Variants in ACOX2 observed in about 807,000 individuals in gnomAD.
The protein encoded by ACOX2 is peroxisomal acyl-coenzyme A oxidase 2.
In ACOX2, 59 loss-of-function variants were observed where a neutral mutation model predicts 77.5. The observed-to-expected ratio is 0.76, with a 90% CI of 0.62 to 0.95. ACOX2 has a LOEUF of 0.95. Among genes scored for constraint, ACOX2 ranks in the 40% least tolerant of loss-of-function variants. ACOX2 has a pLI of 0.00. For synonymous variants in ACOX2, 317 were observed against 340.1 expected (o/e 0.93, Z 0.75); for missense variants, 837 against 880.4 (o/e 0.95, Z 0.62).
In ACOX2 at chr3:58,523,841, G is replaced by A. The variant is rs2063376066; in HGVS notation, c.1526+585C>T. ...CTTTTCCATGGTGGTATGTGTGTTT[G>A]GTCAGGACCTCTCTATTCCCAGCCC... is the stretch of plus-strand genomic sequence containing the variant. On this transcript the variant is annotated intron_variant, in intron 11 of 14. Coordinates refer to ENST00000302819, the MANE Select transcript of ACOX2 (RefSeq NM_003500.4). This position sits in a 1 kb window ranked among gnomAD's most constrained non-coding sequence, Gnocchi z 5.3. 6.6e-6 allele frequency among the ~76,000 whole-genome samples: 1 copy of A among 152,212 alleles called. No individual in the cohort carries two copies. The highest frequency in any genetic ancestry group is 2.1e-4 in the South Asian group (1 of 4,822).
At chr3:58,508,144 A>T (rs2063247863) in intron 14 of ACOX2, among the ~76,000 whole-genome samples, 1 of 152,186 alleles carries the variant, frequency 6.6e-6, no homozygotes, top group Non-Finnish European at 1.5e-5. Flanking sequence ...CTGTTAACAT[A>T]TTCATTGACA....
Position 58,531,443 on chromosome 3 carries a change from CA to C in ACOX2, c.704-78del, listed in dbSNP as rs2063438866. 5 of 1,361,952 alleles carry C rather than the reference CA, an allele frequency of 3.7e-6. No homozygotes were observed. In the Admixed American group the frequency reaches 9.3e-5, roughly 25 times the overall value. The allele number at this position is 1,361,952 out of a possible 1,614,324, so 84.4% of individuals were successfully genotyped here. On this transcript the variant is annotated intron_variant, in intron 6 of 14. Coordinates refer to ENST00000302819, the MANE Select transcript of ACOX2 (RefSeq NM_003500.4). The surrounding 1 kb of genome is among the most constrained non-coding windows in gnomAD (Gnocchi z 5.8). ...TGTGGCAGGTATCATACACACATTC[CA>C]GGTCACAGCAGCCTGTGACACTGGG... is the stretch of plus-strand genomic sequence containing the variant.
rs541491947 is a variant in ACOX2 at position 58,505,915 on chromosome 3, C to T, written c.1984-629G>A. On this transcript the variant is annotated intron_variant, in intron 14 of 14. Transcript: ENST00000302819. The surrounding 1 kb of genome is among the most constrained non-coding windows in gnomAD (Gnocchi z 4.4). ...AAGCGATTCTTGTGCCTCAGCCTCC[C>T]GAGTACCTTGGATTACAGGGGTGCA... Among the ~76,000 whole-genome samples, 92 of 152,184 alleles carry T rather than the reference C, an allele frequency of 6.0e-4. No homozygotes were observed. Among genetic ancestry groups the T allele is most frequent in the African/African-American group, 2.0e-3 (81 of 41,514 alleles).
At position 58,531,723 on chromosome 3, in the gene ACOX2, G is replaced by A. The variant is rs150832314; in HGVS notation, c.673C>T (p.Arg225Trp). Residue 225 changes from arginine to tryptophan, a missense_variant, in exon 6 of 15, where the codon CGG (arginine) becomes TGG (tryptophan). By Grantham distance (101) the Arg-to-Trp change is moderately radical. Coordinates refer to ENST00000302819, the MANE Select transcript of ACOX2 (RefSeq NM_003500.4). This position sits in a 1 kb window ranked among gnomAD's most constrained non-coding sequence, Gnocchi z 5.8. ...RGMHAFIVPI[R>W]SLQDHTPLPG... Reference sequence around the variant, plus strand: ...AGTGGGGTGTGGTCCTGAAGACTCCGGATTGGCACAATAAAAGCGTGCATG... The same window carrying A: ...AGTGGGGTGTGGTCCTGAAGACTCCAGATTGGCACAATAAAAGCGTGCATG... 1.2e-4 allele frequency: 197 copies of A among 1,614,176 alleles called. 2 individuals are homozygous for A. In the Admixed American group the frequency reaches 1.6e-3, roughly 13 times the overall value.
chr3:58,530,398 T>G, intron 8 of ACOX2, 68 bp downstream of exon 8: 1 of 1,564,974 alleles, frequency 6.4e-7, no homozygotes, highest in Non-Finnish European at 8.7e-7. Flanking sequence ...AAGGGTGGTG[T>G]CAGGGGGAGG....
Position 58,523,612 on chromosome 3 carries a change from A to G in ACOX2, c.1526+814T>C, listed in dbSNP as rs1397069517. ...GTGTTTCCTTTTTATTTTTTTATTA[A>G]AATTTTTTGTATTTTTGGTAGAGGT... On this transcript the variant is annotated intron_variant, in intron 11 of 14. Coordinates refer to ENST00000302819, the MANE Select transcript of ACOX2 (RefSeq NM_003500.4). The surrounding 1 kb of genome is among the most constrained non-coding windows in gnomAD (Gnocchi z 5.3). 6.6e-6 allele frequency among the ~76,000 whole-genome samples: 1 copy of G among 151,176 alleles called. No homozygotes were observed. Among genetic ancestry groups the G allele is most frequent in the East Asian group, 1.9e-4 (1 of 5,188 alleles).
chr3:58,526,822 A>C lies in ACOX2; in HGVS notation c.1156-166T>G. Reference sequence around the variant, plus strand: ...GAATGAGAAGGCGGGTACTCAGCTTATGTGACTCACCCAGAGGCACACAAT... The same window carrying C: ...GAATGAGAAGGCGGGTACTCAGCTTCTGTGACTCACCCAGAGGCACACAAT... On this transcript the variant is annotated intron_variant, in intron 9 of 14. Coordinates refer to ENST00000302819, the MANE Select transcript of ACOX2 (RefSeq NM_003500.4). The surrounding 1 kb of genome is among the most constrained non-coding windows in gnomAD (Gnocchi z 4.3). 4.2e-6 allele frequency: 3 copies of C among 713,396 alleles called. No individual in the cohort carries two copies. Among genetic ancestry groups the C allele is most frequent in the Non-Finnish European group, 6.8e-6 (3 of 442,068 alleles). The allele number at this position is 713,396 out of a possible 1,614,324, so 44.2% of individuals were successfully genotyped here.
Position 58,505,258 on chromosome 3 carries a change from C to T in ACOX2, c.2012G>A (p.Arg671Lys). The change falls in exon 15 of 15, where the codon AGA becomes AAA. Residue 671 changes from arginine to lysine, a missense_variant. Coordinates refer to ENST00000302819, the MANE Select transcript of ACOX2 (RefSeq NM_003500.4). The surrounding 1 kb of genome is among the most constrained non-coding windows in gnomAD (Gnocchi z 4.4). Reference sequence around the variant, plus strand: ...GGATCTCCAACTTTGTAAAAGTGGTCTTATATATTCCTCATAGGCAGGGTT... The same window carrying T: ...GGATCTCCAACTTTGTAAAAGTGGTTTTATATATTCCTCATAGGCAGGGTT... Reference protein sequence around the residue: ...QENPAYEEYIRPLLQSWRSKL With the variant: ...QENPAYEEYIKPLLQSWRSKL 1 of 1,612,938 alleles carries T rather than the reference C, an allele frequency of 6.2e-7. No homozygotes were observed. Among genetic ancestry groups the T allele is most frequent in the Non-Finnish European group, 8.5e-7 (1 of 1,179,528 alleles).
In ACOX2 at chr3:58,534,062, G is replaced by T; in HGVS notation, c.407C>A (p.Ala136Asp). 4 of 1,614,170 alleles carry T rather than the reference G, an allele frequency of 2.5e-6. No homozygotes were observed. Among genetic ancestry groups the T allele is most frequent in the Non-Finnish European group, 3.4e-6 (4 of 1,180,034 alleles). Residue 136 changes from alanine (A) to aspartate (D), a missense_variant, in exon 4 of 15, where the codon GCC (alanine) becomes GAC (aspartate). Physicochemically the swap from Ala to Asp is moderately radical, Grantham distance 126. Transcript: ENST00000302819. The surrounding 1 kb of genome is among the most constrained non-coding windows in gnomAD (Gnocchi z 4.8). ...LRSLGSEEQI[A>D]KWDPLCKNIQ... ...GTTTTTGCAGAGTGGGTCCCATTTGGCAATCTGCTCCTCTGAGCCCAGGCT... is the reference window on the plus strand; with the variant it reads ...GTTTTTGCAGAGTGGGTCCCATTTGTCAATCTGCTCCTCTGAGCCCAGGCT...
chr3:58,535,349 G>T lies in ACOX2; in HGVS notation c.-91-152C>A. 1.8e-6 allele frequency: 1 copy of T among 561,436 alleles called. No individual in the cohort carries two copies. The allele number at this position is 561,436 out of a possible 1,614,324, so 34.8% of individuals were successfully genotyped here. On this transcript the variant is annotated intron_variant, in intron 1 of 14. Coordinates refer to ENST00000302819, the MANE Select transcript of ACOX2 (RefSeq NM_003500.4). The surrounding 1 kb of genome is among the most constrained non-coding windows in gnomAD (Gnocchi z 4.8). ...AGGCACTGTGTGCATGGTAGGCATG[G>T]TATGCAGCCATTGCTTGGTACATGT...
At position 58,534,377 on chromosome 3, in the gene ACOX2, T is replaced by C. The variant is rs1375629149; in HGVS notation, c.306A>G (p.Glu102=). The C allele has an allele frequency of 6.2e-7, 1 of 1,614,224 alleles. No homozygotes were observed. Among genetic ancestry groups the C allele is most frequent in the South Asian group, 1.1e-5 (1 of 91,090 alleles). The change falls in exon 3 of 15, where the codon GAA becomes GAG. Residue 102 remains glutamate, a synonymous_variant. Transcript: ENST00000302819. This position sits in a 1 kb window ranked among gnomAD's most constrained non-coding sequence, Gnocchi z 4.8. ...GTGAGCACCTGTAAGCGTAGCCTAA[T>C]TCACGACCATCTTCTAACCAACCCA... ...RRLGWLEDGR[E]LGYAYRALSG... is the part of the protein sequence containing the mutation.
chr3:58,518,142 A>G (rs2063335348), intron 12 of ACOX2, among the ~76,000 whole-genome samples: 1 of 151,854 alleles, frequency 6.6e-6, no homozygotes, highest in African/African-American at 2.4e-5. Context: ...GCTGTGTTCA[A>G]GTCAGTGGTG....
rs1225749126 is a variant in ACOX2, at chr3:58,531,857, A to G, written c.584-45T>C. On this transcript the variant is annotated intron_variant, in intron 5 of 14. Coordinates refer to ENST00000302819, the MANE Select transcript of ACOX2 (RefSeq NM_003500.4). The surrounding 1 kb of genome is among the most constrained non-coding windows in gnomAD (Gnocchi z 5.8). ...CGGCCCGTCACAGGAAGACCTGTGC[A>G]TTGCTTTTCCCAACCAACCCAGCCT... 1.3e-6 allele frequency: 2 copies of G among 1,576,628 alleles called. No individual in the cohort carries two copies. The highest frequency in any genetic ancestry group is 3.6e-5 in the Admixed American group (2 of 55,422).
chr3:58,533,921 C>T lies in ACOX2; in HGVS notation c.475+73G>A. On this transcript the variant is annotated intron_variant, in intron 4 of 14. Coordinates refer to ENST00000302819, the MANE Select transcript of ACOX2 (RefSeq NM_003500.4). This position sits in a 1 kb window ranked among gnomAD's most constrained non-coding sequence, Gnocchi z 5.6. The stretch of plus-strand genomic sequence containing the variant: ...CTCGGAGCATATGAACCTATGACTA[C>T]CTAGATGTAAATGGGCCCTCTGGAG... 6.4e-7 allele frequency: 1 copy of T among 1,564,142 alleles called. No homozygotes were observed. Among genetic ancestry groups the T allele is most frequent in the Non-Finnish European group, 8.7e-7 (1 of 1,143,828 alleles).
intron 13 of ACOX2, among the ~76,000 whole-genome samples, chr3:58,510,071 C>A (rs561910846): frequency 3.9e-5 from 6 of 152,136 alleles, no homozygotes; most frequent in Non-Finnish European, 8.8e-5. Flanking sequence ...TCCTACCTCC[C>A]CTTGTTCCCA....
At chr3:58,513,730 G>T (rs1240455601) in intron 13 of ACOX2, among the ~76,000 whole-genome samples, 4 of 151,792 alleles carry the variant, frequency 2.6e-5, no homozygotes, top group African/African-American at 9.7e-5. Flanking sequence ...TTATGTTAGG[G>T]GCATTCTTCA....
intron 8 of ACOX2, among the ~76,000 whole-genome samples, chr3:58,529,613 G>A (rs2063422083): frequency 6.6e-6 from 1 of 152,190 alleles, no homozygotes; most frequent in African/African-American, 2.4e-5. Flanking sequence ...AGATAAATGG[G>A]CCTCGGGCAG....
intron 5 of ACOX2, among the ~76,000 whole-genome samples, chr3:58,532,156 A>T (rs2063445026): frequency 6.6e-6 from 1 of 152,126 alleles, no homozygotes; most frequent in African/African-American, 2.4e-5. Flanking sequence ...GGGAGAGAGG[A>T]TGATGAGTCC....
intron 9 of ACOX2, among the ~76,000 whole-genome samples, chr3:58,527,245 A>T (rs941808045): frequency 1.3e-5 from 2 of 152,110 alleles, no homozygotes; most frequent in Non-Finnish European, 2.9e-5. Context: ...CTCATGAAAG[A>T]GGCTGCTTCT....
Sources: gnomAD v4.1 joint callset for allele counts (sites outside exome capture counted in the v4.1 genomes callset) on GRCh38, gnomAD v4.1.1 for gene constraint, Gnocchi (gnomAD v3.1) non-coding constraint, MANE v1.5 for transcripts, NCBI Gene and HGNC (gene_info 2026-07-23, HGNC 2026-07-21) for gene names.